The following ZCCHC10 variants were observed in gnomAD, a reference collection of about 807,000 sequenced individuals.
ZCCHC10 encodes zinc finger CCHC-type containing 10.
ZCCHC10 carries 16 observed loss-of-function variants against 19.5 expected under a neutral mutation model. The ratio of observed to expected loss-of-function variants is 0.82; its 90% CI spans 0.56 to 1.25. The LOEUF is 1.25. Ranked by LOEUF, ZCCHC10 falls within the 50% of genes most tolerant of loss-of-function variation. The pLI, the probability that ZCCHC10 is intolerant of heterozygous loss-of-function variation, is 0.00. For synonymous variants in ZCCHC10, 67 were observed against 72.5 expected (o/e 0.92, Z 0.38); for missense variants, 197 against 201.0 (o/e 0.98, Z 0.12).
At chr5:133,007,489 G>T (rs963444993) in intron 2 of ZCCHC10, among the ~76,000 whole-genome samples, 1 of 151,338 alleles carries the variant, frequency 6.6e-6, no homozygotes, top group Admixed American at 6.6e-5. Context: ...CTTGCAGTGA[G>T]CCAAGGTTGC....
At chr5:133,001,224 C>T (rs994037826) in intron 3 of ZCCHC10, among the ~76,000 whole-genome samples, 7 of 151,658 alleles carry the variant, frequency 4.6e-5, no homozygotes, top group African/African-American at 1.4e-4. Context: ...CCTGTCTCTA[C>T]TAAAAAAAAC....
chr5:133,026,413 C>A, intron 1 of ZCCHC10, 84 bp downstream of exon 1: 1 of 1,553,192 alleles, frequency 6.4e-7, no homozygotes, highest in South Asian at 1.2e-5. Context: ...TCCGCCGGTC[C>A]CAATAGGGGT....
intron 2 of ZCCHC10, chr5:133,011,285 C>T (rs918309732): frequency 6.6e-6 from 1 of 151,384 alleles, no homozygotes; most frequent in African/African-American, 2.4e-5. Context: ...TAAAAACTAC[C>T]AAATACCTAG....
At chr5:133,023,791 T>C (rs886686407) in intron 1 of ZCCHC10, among the ~76,000 whole-genome samples, 15 of 151,642 alleles carry the variant, frequency 9.9e-5, no homozygotes, top group Admixed American at 7.2e-4. Flanking sequence ...AAATTGATGA[T>C]AGTGCTTTCT....
intron 3 of ZCCHC10, among the ~76,000 whole-genome samples, chr5:133,002,822 C>A (rs1762859955): frequency 6.8e-6 from 1 of 148,138 alleles, no homozygotes; most frequent in Non-Finnish European, 1.5e-5. Flanking sequence ...TGGGTTCAAG[C>A]AATTTTCCTG....
chr5:133,008,975 T>C (rs939312568), intron 2 of ZCCHC10, among the ~76,000 whole-genome samples: 27 of 151,766 alleles, frequency 1.8e-4, no homozygotes, highest in Non-Finnish European at 1.5e-4. Context: ...ATTGCACCAC[T>C]GCACTTCAAC....
Position 132,998,702 on chromosome 5 carries a change from A to C in ZCCHC10, c.460T>G (p.Ser154Ala). 1 of 1,614,110 alleles carries C rather than the reference A, an allele frequency of 6.2e-7. No homozygotes were observed. The stretch of plus-strand genomic sequence containing the variant: ...TCAGAGGAGGAGGAAGAGGTTGTGG[A>C]GGAGGCTGAGGATGAGGAACTAGAG... ...SSSSSSSSAS[S>A]TTSSSSSDSD... Residue 154 changes from serine to alanine, a missense_variant, in exon 5 of 5, where the codon TCC becomes GCC. By Grantham distance (99) the Ser-to-Ala change is moderately conservative (BLOSUM62 1). Transcript: ENST00000509437.
At chr5:133,012,874 C>T (rs982992936) in intron 2 of ZCCHC10, among the ~76,000 whole-genome samples, 5 of 151,938 alleles carry the variant, frequency 3.3e-5, no homozygotes, top group Non-Finnish European at 7.4e-5. Flanking sequence ...CACGGTGAAA[C>T]CCCGTCTCTA....
intron 2 of ZCCHC10, among the ~76,000 whole-genome samples, chr5:133,021,231 G>T (rs1039148425): frequency 6.6e-6 from 1 of 152,004 alleles, no homozygotes; most frequent in African/African-American, 2.4e-5. Flanking sequence ...GGGTTTCACC[G>T]TGTTAGCCAG....
At chr5:133,004,289 C>T (rs1299567824) in intron 3 of ZCCHC10, among the ~76,000 whole-genome samples, 1 of 151,872 alleles carries the variant, frequency 6.6e-6, no homozygotes, top group Non-Finnish European at 1.5e-5. Context: ...ATTCTCCTGC[C>T]TCAGCCTCCC....
intron 3 of ZCCHC10, among the ~76,000 whole-genome samples, chr5:133,004,806 C>T (rs1763005659): frequency 6.6e-6 from 1 of 152,032 alleles, no homozygotes; most frequent in Non-Finnish European, 1.5e-5. Context: ...TTAAGTGTTA[C>T]ATATTTAACC....
intron 4 of ZCCHC10, among the ~76,000 whole-genome samples, chr5:132,999,664 C>T (rs1762639205): frequency 6.6e-6 from 1 of 150,950 alleles, no homozygotes; most frequent in Non-Finnish European, 1.5e-5. Context: ...AATGCATTTC[C>T]AGACAGGTTA....
intron 4 of ZCCHC10, 29 bp downstream of exon 4, chr5:133,000,103 C>G (rs370975036): frequency 6.2e-7 from 1 of 1,609,248 alleles, no homozygotes; most frequent in Non-Finnish European, 8.5e-7. Context: ...TACATGTTAT[C>G]TATAAAACAC....
At chr5:132,999,170 G>T (rs887098845) in intron 4 of ZCCHC10, among the ~76,000 whole-genome samples, 1 of 152,042 alleles carries the variant, frequency 6.6e-6, no homozygotes, top group Non-Finnish European at 1.5e-5. Context: ...TGATCTGCCC[G>T]CCTCAGCCTC....
intron 3 of ZCCHC10, among the ~76,000 whole-genome samples, chr5:133,003,943 C>T (rs982440816): frequency 2.0e-5 from 3 of 152,016 alleles, no homozygotes; most frequent in South Asian, 2.1e-4. Context: ...CTCCTGACCT[C>T]GAGTGATCCA....
chr5:133,012,556 A>T (rs950195717), intron 2 of ZCCHC10, among the ~76,000 whole-genome samples: 2 of 149,424 alleles, frequency 1.3e-5, no homozygotes, highest in African/African-American at 4.9e-5. Context: ...GATTTTAATT[A>T]AAAAAAAAAG....
chr5:133,016,732 C>G (rs571656942), intron 2 of ZCCHC10, among the ~76,000 whole-genome samples: 1 of 152,128 alleles, frequency 6.6e-6, no homozygotes, highest in South Asian at 2.1e-4. Context: ...TGTGACCCAC[C>G]GCGCACAGCT....
At chr5:133,015,847 A>G (rs546584014) in intron 2 of ZCCHC10, among the ~76,000 whole-genome samples, 1 of 152,362 alleles carries the variant, frequency 6.6e-6, no homozygotes, top group South Asian at 2.1e-4. Flanking sequence ...ACAGCAATTG[A>G]TAACTAATAA....
intron 2 of ZCCHC10, among the ~76,000 whole-genome samples, chr5:133,022,624 TG>T (rs987684278): frequency 3.9e-4 from 59 of 152,074 alleles, no homozygotes; most frequent in African/African-American, 1.4e-3. Context: ...AGCTAATTTT[TG>T]TAATTTTTGT....
Sources: allele counts gnomAD v4.1 joint callset (sites outside exome capture counted in the v4.1 genomes callset), GRCh38; gene constraint gnomAD v4.1.1; transcripts MANE v1.5; gene names NCBI Gene and HGNC (gene_info 2026-07-23, HGNC 2026-07-21).